MCU: variants seen among roughly 807,000 people sequenced by gnomAD.
MCU encodes calcium uniporter protein, mitochondrial.
MCU carries 12 observed loss-of-function variants against 45.2 expected under a neutral mutation model. The observed-to-expected ratio is 0.27, with a 90% CI of 0.17 to 0.43. The LOEUF (loss-of-function observed/expected upper bound fraction) is 0.43, where lower values mean the gene tolerates loss of function less well. Among genes scored for constraint, MCU ranks in the 20% least tolerant of loss-of-function variants. MCU has a pLI of 1.00. For missense variants in MCU, 324 were observed against 436.7 expected, an observed-to-expected ratio of 0.74 and a Z score of 2.30; for synonymous variants, 160 against 165.1, an observed-to-expected ratio of 0.97 and a Z score of 0.24.
chr10:72,813,990 A>G (rs1237142280), intron 1 of MCU, among the ~76,000 whole-genome samples: 1 of 152,204 alleles, frequency 6.6e-6, no homozygotes, highest in Non-Finnish European at 1.5e-5. Context: ...ATGTTTCAAC[A>G]CCTAGACCCA....
intron 1 of MCU, among the ~76,000 whole-genome samples, chr10:72,741,833 C>A (rs1843335993): frequency 6.6e-6 from 1 of 152,028 alleles, no homozygotes; most frequent in African/African-American, 2.4e-5. Flanking sequence ...TCGAGACCAT[C>A]CTGGCTAAGA....
intron 2 of MCU, among the ~76,000 whole-genome samples, chr10:72,838,214 G>A (rs1191016681): frequency 6.6e-6 from 1 of 152,034 alleles, no homozygotes; most frequent in African/African-American, 2.4e-5. Context: ...CTAGCTATTG[G>A]GAAAGTGTGA....
At chr10:72,876,887 G>C (rs1470053688) in intron 6 of MCU, among the ~76,000 whole-genome samples, 1 of 148,360 alleles carries the variant, frequency 6.7e-6, no homozygotes, top group Non-Finnish European at 1.5e-5. Context: ...TAACAAAACT[G>C]TCTGCATCTT....
intron 1 of MCU, among the ~76,000 whole-genome samples, chr10:72,719,623 A>C (rs776175851): frequency 1.3e-5 from 2 of 152,188 alleles, no homozygotes; most frequent in Non-Finnish European, 2.9e-5. Context: ...ATCACTTAAC[A>C]TAACCAGAAT....
chr10:72,820,450 C>T (rs554761293), intron 1 of MCU, among the ~76,000 whole-genome samples: 2 of 151,696 alleles, frequency 1.3e-5, no homozygotes, highest in African/African-American at 2.4e-5. Context: ...AAAATTGCTC[C>T]GACTTTGCTT....
intron 1 of MCU, among the ~76,000 whole-genome samples, chr10:72,779,517 T>C (rs1279080157): frequency 6.6e-6 from 1 of 152,164 alleles, no homozygotes; most frequent in Non-Finnish European, 1.5e-5. Flanking sequence ...GGAGAAGATA[T>C]TTGCAGATCA....
chr10:72,728,692 A>T (rs1444534452), intron 1 of MCU, among the ~76,000 whole-genome samples: 1 of 152,184 alleles, frequency 6.6e-6, no homozygotes, highest in Non-Finnish European at 1.5e-5. Flanking sequence ...ATAGTATGAG[A>T]TAACACTGGG....
intron 1 of MCU, among the ~76,000 whole-genome samples, chr10:72,788,641 A>C (rs1278460932): frequency 6.6e-6 from 1 of 152,072 alleles, no homozygotes; most frequent in East Asian, 1.9e-4. Flanking sequence ...GACCCTGTCT[A>C]AAAAAACAAA....
chr10:72,859,121 A>G, intron 2 of MCU, 56 bp from the exon 3 acceptor site: 1 of 1,472,054 alleles, frequency 6.8e-7, no homozygotes, highest in South Asian at 1.4e-5. Context: ...TAATAATGTG[A>G]CTTTAACTTA....
At chr10:72,820,246 G>C (rs1844690325) in intron 1 of MCU, among the ~76,000 whole-genome samples, 1 of 152,146 alleles carries the variant, frequency 6.6e-6, no homozygotes, top group Non-Finnish European at 1.5e-5. Context: ...AAATAAGGTA[G>C]TATGTGCCGG....
intron 1 of MCU, among the ~76,000 whole-genome samples, chr10:72,812,107 T>C (rs1049868962): frequency 1.3e-5 from 2 of 151,544 alleles, no homozygotes; most frequent in African/African-American, 2.4e-5. Flanking sequence ...ACATGGAGAG[T>C]AAAATGCTTT....
At chr10:72,748,503 A>G (rs767605790) in intron 1 of MCU, among the ~76,000 whole-genome samples, 90 of 152,136 alleles carry the variant, frequency 5.9e-4, no homozygotes, top group Non-Finnish European at 9.6e-4. Context: ...TGTCTAGTGA[A>G]CTATCCAAAG....
intron 1 of MCU, among the ~76,000 whole-genome samples, chr10:72,699,467 A>G (rs1447705460): frequency 6.6e-6 from 1 of 152,044 alleles, no homozygotes; most frequent in Non-Finnish European, 1.5e-5. Flanking sequence ...AGATCATGCC[A>G]CTGCACTCCA....
chr10:72,847,702 ATC>A (rs1365967145), intron 2 of MCU, among the ~76,000 whole-genome samples: 1 of 152,188 alleles, frequency 6.6e-6, no homozygotes, highest in Non-Finnish European at 1.5e-5. Flanking sequence ...ATCTTTTATT[ATC>A]TCTCATGTTT....
chr10:72,706,531 C>T (rs1442328359), intron 1 of MCU, among the ~76,000 whole-genome samples: 1 of 151,726 alleles, frequency 6.6e-6, no homozygotes, highest in Non-Finnish European at 1.5e-5. Flanking sequence ...AGAGACATTA[C>T]AGTATCTTCT....
intron 4 of MCU, among the ~76,000 whole-genome samples, chr10:72,867,854 CAAAAAAAAA>C (rs777086421): frequency 1.6e-5 from 1 of 62,874 alleles, no homozygotes; most frequent in Non-Finnish European, 3.5e-5. Flanking sequence ...GACTTTGTCT[CAAAAAAAAA>C]AAAAAAAAAA....
chr10:72,787,622 A>G (rs745355466), intron 1 of MCU, among the ~76,000 whole-genome samples: 10 of 152,084 alleles, frequency 6.6e-5, no homozygotes, highest in Non-Finnish European at 1.2e-4. Context: ...ATAAACCAAT[A>G]TATGTCTATT....
intron 4 of MCU, among the ~76,000 whole-genome samples, chr10:72,865,589 G>A (rs1447560815): frequency 1.3e-5 from 2 of 152,004 alleles, no homozygotes; most frequent in Non-Finnish European, 2.9e-5. Flanking sequence ...CACCCAGGCT[G>A]GAGTGCAGTG....
At chr10:72,873,173 C>G (rs1316583772) in intron 6 of MCU, among the ~76,000 whole-genome samples, 1 of 151,800 alleles carries the variant, frequency 6.6e-6, no homozygotes, top group Non-Finnish European at 1.5e-5. Context: ...TGCCCGCCAC[C>G]ACGCCCGGCT....
Sources: allele counts gnomAD v4.1 joint callset (sites outside exome capture counted in the v4.1 genomes callset), GRCh38; gene constraint gnomAD v4.1.1; transcripts MANE v1.5; gene names NCBI Gene and HGNC (gene_info 2026-07-23, HGNC 2026-07-21).